The following DVL1 variants were observed in gnomAD, a reference collection of about 807,000 sequenced individuals.
DVL1 encodes the protein dishevelled segment polarity protein 1, also known as segment polarity protein dishevelled homolog DVL-1.
Under a neutral mutation model 65.0 loss-of-function variants are expected in DVL1, and 49 were observed. The ratio of observed to expected loss-of-function variants is 0.75; its 90% CI spans 0.60 to 0.96. The LOEUF is 0.96. Ranked by LOEUF, DVL1 falls within the 40% of genes least tolerant of loss-of-function variation. The pLI, the probability that DVL1 is intolerant of heterozygous loss-of-function variation, is 0.00. For synonymous variants in DVL1, 608 were observed against 433.9 expected (o/e 1.40, Z -4.99); for missense variants, 1,197 against 1,045.4 (o/e 1.15, Z -2.00).
At position 1,340,269 on chromosome 1, in the gene DVL1, G is replaced by T. The variant is rs147684126; in HGVS notation, c.747C>A (p.Ile249=). 10 of 1,613,890 alleles carry T rather than the reference G, an allele frequency of 6.2e-6. No homozygotes were observed. The African/African-American group carries it at 1.3e-4, about 22-fold the overall frequency. ...SITDSTMSLN[I]VTVTLNMERH... is the part of the protein sequence containing the mutation. ...CACCCATGTTGAGCGTGACAGTGAC[G>T]ATGTTGAGGGACATGGTGGAGTCGG... The change falls in exon 7 of 15, where the codon ATC becomes ATA. Residue 249 remains isoleucine (I), a synonymous_variant. Coordinates refer to ENST00000378888, the MANE Select transcript of DVL1 (RefSeq NM_001330311.2).
rs1643977415 is a variant in DVL1 at position 1,349,200 on chromosome 1, GC to G, written c.-136del. ...CCCCGACGCTCCGAGGCCCCCGGGC[GC>G]CCCCGCCCGACCGCCCAGGCCCCGG... On this transcript the variant is annotated 5_prime_UTR_variant, in exon 1 of 15. An upstream open reading frame in the 5' UTR loses its in-frame stop. Transcript: ENST00000378888. This position sits in a 1 kb window ranked among gnomAD's most constrained non-coding sequence, Gnocchi z 4.1. The G allele has an allele frequency of 4.5e-6, 2 of 448,382 alleles. No individual in the cohort carries two copies. The highest frequency in any genetic ancestry group is 5.8e-6 in the Non-Finnish European group (2 of 343,236). The allele number at this position is 448,382 out of a possible 1,614,324, so 27.8% of individuals were successfully genotyped here.
Position 1,339,757 on chromosome 1 carries a change from C to T in DVL1, c.965G>A (p.Arg322Gln), listed in dbSNP as rs767570616. The change falls in exon 9 of 15, where the codon CGG becomes CAG. Residue 322 changes from arginine (R) to glutamine (Q), a missense_variant. Coordinates refer to ENST00000378888, the MANE Select transcript of DVL1 (RefSeq NM_001330311.2). ...TCACCCCGTCTGGGAAACGATCTCC[C>T]GCAGCACCCGCACGGCATCGTCATT... The part of the protein sequence containing the change: ...MSNDDAVRVL[R>Q]EIVSQTGPIS... 6.8e-6 allele frequency: 11 copies of T among 1,613,138 alleles called. No homozygotes were observed. The highest frequency in any genetic ancestry group is 1.1e-5 in the South Asian group (1 of 91,082).
rs750112275 is a variant in DVL1 at position 1,342,154 on chromosome 1, G to C, written c.365C>G (p.Pro122Arg). ...CCCGTCACGGCTGCTGGCCACATTT[G>C]GGCTGTGCAACAAGAGCAGGGTGGG... ...IGDSRPPSFH[P>R]NVASSRDGMD... The change falls in exon 4 of 15, where the codon CCA becomes CGA. Residue 122 changes from proline (P) to arginine (R), a missense_variant and splice_region_variant. Physicochemically the swap from Pro to Arg is moderately radical, Grantham distance 103 (BLOSUM62 -2). Coordinates refer to ENST00000378888, the MANE Select transcript of DVL1 (RefSeq NM_001330311.2). 1 of 1,560,048 alleles carries C rather than the reference G, an allele frequency of 6.4e-7. No individual in the cohort carries two copies. The highest frequency in any genetic ancestry group is 2.4e-5 in the East Asian group (1 of 42,234).
Position 1,336,107 on chromosome 1 carries a change from C to A in DVL1, c.*35G>T. 1 of 1,560,936 alleles carries A rather than the reference C, an allele frequency of 6.4e-7. No homozygotes were observed. The highest frequency in any genetic ancestry group is 2.3e-5 in the East Asian group (1 of 43,072). On this transcript the variant is annotated 3_prime_UTR_variant, in exon 15 of 15. Coordinates refer to ENST00000378888, the MANE Select transcript of DVL1 (RefSeq NM_001330311.2). ...CTGCATGCGGCAGGACCGCCAGCTC[C>A]CCACCTCAGGCAGGGCTGGGGCATG... is the stretch of plus-strand genomic sequence containing the variant.
intron 1 of DVL1, among the ~76,000 whole-genome samples, chr1:1,346,095 TCA>T (rs1479525667): frequency 2.0e-5 from 3 of 151,766 alleles, no homozygotes; most frequent in Non-Finnish European, 4.4e-5. Flanking sequence ...AGAGGCTGAG[TCA>T]CAGACCCCAA....
At position 1,335,921 on chromosome 1, in the gene DVL1, T is replaced by G; in HGVS notation, c.*221A>C. ...CAAGGGGTTGGGAGGTCCGAGGCTCTCGCTGAGGGGCAGAGAGGGAGCGCC... is the reference window on the plus strand; with the variant it reads ...CAAGGGGTTGGGAGGTCCGAGGCTCGCGCTGAGGGGCAGAGAGGGAGCGCC... On this transcript the variant is annotated 3_prime_UTR_variant, in exon 15 of 15. Transcript: ENST00000378888. 1 of 620,768 alleles carries G rather than the reference T, an allele frequency of 1.6e-6. No individual in the cohort carries two copies. The highest frequency in any genetic ancestry group is 2.0e-5 in the South Asian group (1 of 50,860). The allele number at this position is 620,768 out of a possible 1,614,324, so 38.5% of individuals were successfully genotyped here.
At chr1:1,337,818 T>C in intron 14 of DVL1, 159 bp downstream of exon 14, 1 of 713,542 alleles carries the variant, frequency 1.4e-6, no homozygotes, top group Non-Finnish European at 2.5e-6. Context: ...AGCATGGGAT[T>C]GGGGTCAGCA....
chr1:1,339,369 G>C lies in DVL1; in HGVS notation c.1125C>G (p.Pro375=). The part of the protein sequence containing the change: ...SHTAALTGAL[P]RYGTSPCSSA... ...TGGAGCAGGGACTCGTACCGTAGCG[G>C]GGCAGGGCTCCTGTCAGTGCCGCCG... Residue 375 remains proline, a synonymous_variant, in exon 11 of 15, where the codon CCC becomes CCG. Coordinates refer to ENST00000378888, the MANE Select transcript of DVL1 (RefSeq NM_001330311.2). The C allele has an allele frequency of 6.5e-7, 1 of 1,548,910 alleles. No individual in the cohort carries two copies.
chr1:1,347,905 C>T (rs1392213886), intron 1 of DVL1, among the ~76,000 whole-genome samples: 2 of 152,160 alleles, frequency 1.3e-5, no homozygotes, highest in East Asian at 3.9e-4. Context: ...GTCCCTTGGG[C>T]CCCCCTGAGA....
At chr1:1,340,744 C>G (rs541266170) in intron 5 of DVL1, among the ~76,000 whole-genome samples, 2 of 150,886 alleles carry the variant, frequency 1.3e-5, no homozygotes, top group African/African-American at 4.9e-5. Context: ...ACTGACACAC[C>G]TGCACACATG....
Position 1,340,076 on chromosome 1 carries a change from CG to C in DVL1, c.870del (p.Ala291LeufsTer14). On this transcript the variant is annotated frameshift_variant, in exon 8 of 15. Coordinates refer to ENST00000378888, the MANE Select transcript of DVL1 (RefSeq NM_001330311.2). LOFTEE classifies it high-confidence loss of function. Reference protein sequence around the residue: ...IGSIMKGGAVAADGRIEPGDM... With the variant: ...IGSIMKGGAVXADGRIEPGDM... ...TCGCCGGGCTCGATGCGGCCGTCAGCGGCCACAGCCCCGCCCTTCATGATGG... is the reference window on the plus strand; with the variant it reads ...TCGCCGGGCTCGATGCGGCCGTCAGCGCCACAGCCCCGCCCTTCATGATGG... 2 of 1,613,014 alleles carry C rather than the reference CG, an allele frequency of 1.2e-6. No individual in the cohort carries two copies. Among genetic ancestry groups the C allele is most frequent in the Non-Finnish European group, 1.7e-6 (2 of 1,179,924 alleles).
At position 1,335,623 on chromosome 1, in the gene DVL1, C is replaced by G. The variant is rs2100699560; in HGVS notation, c.*519G>C. 1 of 156,174 alleles carries G rather than the reference C, an allele frequency of 6.4e-6. No homozygotes were observed. Among genetic ancestry groups the G allele is most frequent in the East Asian group, 1.9e-4 (1 of 5,216 alleles). The allele number at this position is 156,174 out of a possible 1,614,324, so 9.7% of individuals were successfully genotyped here. ...TCCGGTCCCGTCCTCCACGTACTTT[C>G]AGACTGTTGCCGGATGGGAGGAGAG... On this transcript the variant is annotated 3_prime_UTR_variant, in exon 15 of 15. Coordinates refer to ENST00000378888, the MANE Select transcript of DVL1 (RefSeq NM_001330311.2).
chr1:1,336,284 T>C lies in DVL1; in HGVS notation c.1946A>G (p.Lys649Arg). 1 of 1,564,212 alleles carries C rather than the reference T, an allele frequency of 6.4e-7. No homozygotes were observed. Among genetic ancestry groups the C allele is most frequent in the Non-Finnish European group, 8.6e-7 (1 of 1,161,332 alleles). Residue 649 changes from lysine to arginine, a missense_variant, in exon 15 of 15, where the codon AAG becomes AGG. By Grantham distance (26) the Lys-to-Arg change is conservative. Transcript: ENST00000378888. ...TGGCCCCCCCACCACTGTATAGGCCTTGGTCGTGGGGTGGGGCGGGGGGAG... is the reference window on the plus strand; with the variant it reads ...TGGCCCCCCCACCACTGTATAGGCCCTGGTCGTGGGGTGGGGCGGGGGGAG... ...PGLPPPHPTT[K>R]AYTVVGGPPG... is the part of the protein sequence containing the mutation.
At position 1,337,972 on chromosome 1, in the gene DVL1, C is replaced by T. The variant is rs778641019; in HGVS notation, c.1714+5G>A. The T allele has an allele frequency of 1.9e-6, 3 of 1,610,426 alleles. No homozygotes were observed. Among genetic ancestry groups the T allele is most frequent in the South Asian group, 1.1e-5 (1 of 90,878 alleles). ...GGGAAGGGCAGGTAGGGGCGGCGTT[C>T]TCACCTTCACTCTGCTGACTCCCGG... On this transcript the variant is annotated splice_donor_5th_base_variant and intron_variant, in intron 14 of 14. Coordinates refer to ENST00000378888, the MANE Select transcript of DVL1 (RefSeq NM_001330311.2).
intron 1 of DVL1, among the ~76,000 whole-genome samples, chr1:1,346,118 C>G (rs1378458607): frequency 6.6e-6 from 1 of 152,128 alleles, no homozygotes; most frequent in Non-Finnish European, 1.5e-5. Context: ...GTGGCACAGC[C>G]AGGGAGGGCG....
At position 1,336,524 on chromosome 1, in the gene DVL1, G is replaced by A. The variant is rs545740677; in HGVS notation, c.1715-9C>T. ...CCCACTGCTTTTGCTCCCTGGGAGT[G>A]AGAACAGGATGGGGAAGGAGCCTGT... On this transcript the variant is annotated splice_polypyrimidine_tract_variant and intron_variant, in intron 14 of 14. Coordinates refer to ENST00000378888, the MANE Select transcript of DVL1 (RefSeq NM_001330311.2). 2.0e-6 allele frequency: 3 copies of A among 1,504,282 alleles called. No individual in the cohort carries two copies. The African/African-American group carries it at 4.2e-5, about 21-fold the overall frequency. The allele number at this position is 1,504,282 out of a possible 1,614,324, so 93.2% of individuals were successfully genotyped here.
chr1:1,347,635 C>T (rs912375645), intron 1 of DVL1, among the ~76,000 whole-genome samples: 2 of 152,228 alleles, frequency 1.3e-5, no homozygotes, highest in Non-Finnish European at 2.9e-5. Context: ...AACAAAAGTA[C>T]CTGACACATG....
At chr1:1,345,996 G>A (rs987272465) in intron 1 of DVL1, among the ~76,000 whole-genome samples, 8 of 152,158 alleles carry the variant, frequency 5.3e-5, no homozygotes, top group African/African-American at 1.9e-4. Context: ...GGACACACAG[G>A]CTCAAGTGTC....
chr1:1,344,001 C>T (rs954852009), intron 1 of DVL1, among the ~76,000 whole-genome samples: 5 of 152,190 alleles, frequency 3.3e-5, no homozygotes, highest in African/African-American at 9.6e-5. Context: ...AGGAGGAGGC[C>T]GGGTGACCCG....
Sources: gnomAD v4.1 joint callset for allele counts (sites outside exome capture counted in the v4.1 genomes callset) on GRCh38, gnomAD v4.1.1 for gene constraint, Gnocchi (gnomAD v3.1) non-coding constraint, MANE v1.5 for transcripts, NCBI Gene and HGNC (gene_info 2026-07-23, HGNC 2026-07-21) for gene names.